COL5A1: variants seen among roughly 807,000 people sequenced by gnomAD.
COL5A1 encodes collagen type V alpha 1 chain.
In COL5A1, 16 loss-of-function variants were observed where a neutral mutation model predicts 263.7. The observed-to-expected ratio is 0.06, with a 90% CI of 0.04 to 0.09. COL5A1 has a LOEUF of 0.09. Among genes scored for constraint, COL5A1 ranks in the 10% least tolerant of loss-of-function variants. The probability of loss-of-function intolerance (pLI) is 1.00; values close to 1 mark genes in which losing one functional copy is unlikely to be tolerated. For synonymous variants in COL5A1, 1,012 were observed against 1,004.5 expected (o/e 1.01, Z -0.14); for missense variants, 2,036 against 2,540.5 (o/e 0.80, Z 4.27).
Position 134,678,842 on chromosome 9 carries a change from T to G in COL5A1, c.110-12070T>G, listed in dbSNP as rs1832752526. ...GGGTGGCCCCTGAAGTGTCTGCTTT[T>G]TGCCAAGGCAGAGCCTGGGAAGAGG... On this transcript the variant is annotated intron_variant, in intron 1 of 65. Transcript: ENST00000371817. The surrounding 1 kb of genome is among the most constrained non-coding windows in gnomAD (Gnocchi z 5.5). Among the ~76,000 whole-genome samples the G allele has an allele frequency of 1.3e-5, 2 of 152,302 alleles. No individual in the cohort carries two copies. The highest frequency in any genetic ancestry group is 4.1e-4 in the South Asian group (2 of 4,820).
At chr9:134,691,156 CCTGCGT>C in intron 2 of COL5A1, 77 bp downstream of exon 2, 33 of 1,572,384 alleles carry the variant, frequency 2.1e-5, no homozygotes, top group Non-Finnish European at 2.6e-5. Context: ...AGCGCTCAAG[CCTGCGT>C]GGTGGCAGAA....
rs1325219292 is a variant in COL5A1, at chr9:134,700,029, G to A, written c.398G>A (p.Gly133Asp). 6.2e-7 allele frequency: 1 copy of A among 1,613,614 alleles called. No individual in the cohort carries two copies. Among genetic ancestry groups the A allele is most frequent in the Admixed American group, 1.7e-5 (1 of 60,032 alleles). ...QGIQQIGLEL[G>D]RSPVFLYEDH... ...ATCCAGCAGATTGGGCTGGAGCTGG[G>A]CCGCTCTCCCGTCTTCCTCTACGAG... Residue 133 changes from glycine (G) to aspartate (D), a missense_variant, in exon 3 of 66, where the codon GGC (glycine) becomes GAC (aspartate). Physicochemically the swap from Gly to Asp is moderately conservative, Grantham distance 94. Around this residue, in one of 3 missense-constraint regions of COL5A1, gnomAD observed 600 missense variants for 634.5 expected, o/e 0.95. Coordinates refer to ENST00000371817, the MANE Select transcript of COL5A1 (RefSeq NM_000093.5). This position sits in a 1 kb window ranked among gnomAD's most constrained non-coding sequence, Gnocchi z 4.0.
rs1016355943 is a variant in COL5A1 at position 134,767,175 on chromosome 9, A to C, written c.2187+122A>C. On this transcript the variant is annotated intron_variant, in intron 23 of 65. Transcript: ENST00000371817. ...CCTCCAAGTAGCAGCCCCTCCCCTT[A>C]TCTGGAGGGAGACTAGGACCTGGGT... The C allele has an allele frequency of 2.8e-6, 4 of 1,411,174 alleles. No homozygotes were observed. In the South Asian group the frequency reaches 4.7e-5, roughly 16 times the overall value. The allele number at this position is 1,411,174 out of a possible 1,614,324, so 87.4% of individuals were successfully genotyped here.
At chr9:134,745,258 A>C (rs1457063371) in intron 11 of COL5A1, among the ~76,000 whole-genome samples, 1 of 152,202 alleles carries the variant, frequency 6.6e-6, no homozygotes, top group Non-Finnish European at 1.5e-5. Context: ...AAGAAAATCA[A>C]GTACAGTTTG....
chr9:134,675,939 G>A (rs1832674254), intron 1 of COL5A1, among the ~76,000 whole-genome samples: 1 of 152,162 alleles, frequency 6.6e-6, no homozygotes, highest in South Asian at 2.1e-4. Flanking sequence ...TGGCCACAAA[G>A]CCCACCTTGA....
At chr9:134,838,147 C>T (rs1839908511) in intron 65 of COL5A1, among the ~76,000 whole-genome samples, 1 of 152,196 alleles carries the variant, frequency 6.6e-6, no homozygotes, top group Admixed American at 6.5e-5. Flanking sequence ...AGAGCAGTTT[C>T]CCAGCCCAAG....
intron 11 of COL5A1, among the ~76,000 whole-genome samples, chr9:134,750,099 A>G (rs189252711): frequency 6.6e-6 from 1 of 152,292 alleles, no homozygotes; most frequent in East Asian, 1.9e-4. Context: ...CTCGGAGCCC[A>G]TTAAGGACAA....
At chr9:134,763,995 A>G (rs1460181863) in intron 20 of COL5A1, among the ~76,000 whole-genome samples, 1 of 60,172 alleles carries the variant, frequency 1.7e-5, no homozygotes. Flanking sequence ...GTGGGGGTCC[A>G]GGGGCAGCGT....
chr9:134,810,163 T>A, intron 43 of COL5A1, 92 bp from the exon 44 acceptor site: 6 of 1,408,878 alleles, frequency 4.3e-6, no homozygotes, highest in Non-Finnish European at 6.0e-6. Flanking sequence ...AGGACACTGT[T>A]CTTAATCTCC....
chr9:134,717,092 G>A (rs1299178748), intron 4 of COL5A1, among the ~76,000 whole-genome samples: 2 of 151,240 alleles, frequency 1.3e-5, no homozygotes, highest in African/African-American at 2.4e-5. Context: ...ACATCAAAGC[G>A]AGATTGTAAA....
intron 63 of COL5A1, among the ~76,000 whole-genome samples, chr9:134,827,982 T>C (rs1036029748): frequency 5.3e-5 from 8 of 152,218 alleles, no homozygotes; most frequent in Non-Finnish European, 1.2e-4. Context: ...TCTGGCCTTC[T>C]TGGCACAAGG....
chr9:134,817,145 G>A (rs371852440), intron 53 of COL5A1, 66 bp downstream of exon 53: 52 of 1,458,930 alleles, frequency 3.6e-5, no homozygotes, highest in South Asian at 2.2e-4. Context: ...GCCCCTCCCC[G>A]TCACCTTTGC....
intron 1 of COL5A1, among the ~76,000 whole-genome samples, chr9:134,662,564 G>A (rs531558088): frequency 7.9e-5 from 12 of 152,328 alleles, no homozygotes; most frequent in African/African-American, 2.4e-4. Context: ...GACATTCCGC[G>A]CTCCTTGGGT....
At chr9:134,762,358 T>G (rs1564442714) in intron 19 of COL5A1, among the ~76,000 whole-genome samples, 1 of 152,126 alleles carries the variant, frequency 6.6e-6, no homozygotes, top group Non-Finnish European at 1.5e-5. Flanking sequence ...GCTGGAGGCA[T>G]GTGGGTGGCA....
At chr9:134,748,461 C>G (rs1009447798) in intron 11 of COL5A1, among the ~76,000 whole-genome samples, 6 of 152,238 alleles carry the variant, frequency 3.9e-5, no homozygotes, top group Non-Finnish European at 8.8e-5. Context: ...GCAGCTTGTC[C>G]TTGGGAGACA....
rs754423580 is a variant in COL5A1 at position 134,730,424 on chromosome 9, C to T, written c.1113C>T (p.Gly371=). The T allele has an allele frequency of 1.4e-5, 23 of 1,614,060 alleles. No individual in the cohort carries two copies. The highest frequency in any genetic ancestry group is 6.7e-5 in the Admixed American group (4 of 60,008). ...ACCCCGACCAGCCCACAGACCCAGGCGCTGGGGCCGAAATTCCCACCAGCA... is the reference window on the plus strand; with the variant it reads ...ACCCCGACCAGCCCACAGACCCAGGTGCTGGGGCCGAAATTCCCACCAGCA... ...EENPDQPTDP[G]AGAEIPTSTA... is the part of the protein sequence containing the mutation. The change falls in exon 7 of 66, where the codon GGC becomes GGT. Residue 371 remains glycine, a synonymous_variant. Coordinates refer to ENST00000371817, the MANE Select transcript of COL5A1 (RefSeq NM_000093.5).
chr9:134,775,688 G>A (rs1019695906), intron 27 of COL5A1, among the ~76,000 whole-genome samples: 3 of 152,148 alleles, frequency 2.0e-5, no homozygotes, highest in South Asian at 2.1e-4. Flanking sequence ...GGGGACTTGC[G>A]GTATCTTAAA....
At position 134,772,647 on chromosome 9, in the gene COL5A1, C is replaced by T. The variant is rs1180623757; in HGVS notation, c.2287-143C>T. The T allele has an allele frequency of 4.2e-6, 4 of 947,098 alleles. 1 individual carries two copies. The highest frequency in any genetic ancestry group is 3.4e-5 in the Admixed American group (2 of 58,628). The allele number at this position is 947,098 out of a possible 1,614,324, so 58.7% of individuals were successfully genotyped here. A position where few individuals can be genotyped will look rare whatever the true frequency, so the allele number is the denominator to read the frequency against. ...CTGTGCTTGGCTGCCTGGCCAGCTG[C>T]CTTCGACTTCTGGTGCTCTCAGTTT... is the stretch of plus-strand genomic sequence containing the variant. On this transcript the variant is annotated intron_variant, in intron 25 of 65. Coordinates refer to ENST00000371817, the MANE Select transcript of COL5A1 (RefSeq NM_000093.5).
At chr9:134,663,305 C>T (rs1036297832) in intron 1 of COL5A1, among the ~76,000 whole-genome samples, 5 of 152,204 alleles carry the variant, frequency 3.3e-5, no homozygotes, top group South Asian at 2.1e-4. Flanking sequence ...TGTCCCAGAA[C>T]GTAGCACACT....
Sources: allele counts gnomAD v4.1 joint callset (sites outside exome capture counted in the v4.1 genomes callset), GRCh38; gene constraint gnomAD v4.1.1; regional missense constraint gnomAD v4.1.1; non-coding constraint Gnocchi (gnomAD v3.1); transcripts MANE v1.5; gene names NCBI Gene and HGNC (gene_info 2026-07-23, HGNC 2026-07-21).